VPS41: variants seen among roughly 807,000 people sequenced by gnomAD.
VPS41 encodes vacuolar protein sorting-associated protein 41 homolog.
VPS41 carries 85 observed loss-of-function variants against 130.9 expected under a neutral mutation model. The ratio of observed to expected loss-of-function variants is 0.65; its 90% CI spans 0.55 to 0.78. The LOEUF (loss-of-function observed/expected upper bound fraction) is 0.78. Ranked by LOEUF, VPS41 falls within the 30% of genes least tolerant of loss-of-function variation. The probability of loss-of-function intolerance (pLI) is 0.00; values close to 1 mark genes in which losing one functional copy is unlikely to be tolerated. For missense variants in VPS41, 874 were observed against 1,018.7 expected, an observed-to-expected ratio of 0.86 and a Z score of 1.93; for synonymous variants, 335 against 332.9, an observed-to-expected ratio of 1.01 and a Z score of -0.07.
At chr7:38,864,752 G>T (rs1786191436) in intron 3 of VPS41, among the ~76,000 whole-genome samples, 1 of 150,634 alleles carries the variant, frequency 6.6e-6, no homozygotes, top group Non-Finnish European at 1.5e-5. Context: ...TGTAATTATT[G>T]AGTTTTGTTT....
intron 7 of VPS41, among the ~76,000 whole-genome samples, chr7:38,805,032 C>T (rs550380396): frequency 6.6e-6 from 1 of 152,304 alleles, no homozygotes; most frequent in South Asian, 2.1e-4. Context: ...AAAAGTCATC[C>T]ACTGGGTGAT....
At chr7:38,881,766 G>A (rs1281139615) in intron 2 of VPS41, among the ~76,000 whole-genome samples, 2 of 152,082 alleles carry the variant, frequency 1.3e-5, no homozygotes, top group Non-Finnish European at 2.9e-5. Context: ...TCTCCAAAAT[G>A]AGGACACAAC....
intron 5 of VPS41, among the ~76,000 whole-genome samples, chr7:38,828,137 T>C (rs894301980): frequency 2.0e-5 from 3 of 152,166 alleles, no homozygotes; most frequent in Non-Finnish European, 2.9e-5. Context: ...TTTTATACTA[T>C]AGTTTACATA....
At chr7:38,750,509 T>C (rs1048127060) in intron 22 of VPS41, among the ~76,000 whole-genome samples, 16 of 152,208 alleles carry the variant, frequency 1.1e-4, no homozygotes, top group African/African-American at 3.4e-4. Flanking sequence ...TAAAACATAA[T>C]TGGTTTTACT....
intron 25 of VPS41, among the ~76,000 whole-genome samples, chr7:38,740,379 A>G (rs945642009): frequency 6.6e-6 from 1 of 152,172 alleles, no homozygotes; most frequent in East Asian, 1.9e-4. Flanking sequence ...GACCTTCAAA[A>G]TTAGTGACTT....
chr7:38,863,167 T>C (rs149723376), intron 3 of VPS41, among the ~76,000 whole-genome samples: 18 of 152,346 alleles, frequency 1.2e-4, no homozygotes, highest in Admixed American at 9.2e-4. Flanking sequence ...TAATATATAA[T>C]GTTGAGTGTT....
rs746712378 is a variant in VPS41 at position 38,821,255 on chromosome 7, A to T, written c.332T>A (p.Phe111Tyr). Residue 111 changes from phenylalanine to tyrosine, a missense_variant, in exon 6 of 29, where the codon TTT (phenylalanine) becomes TAT (tyrosine). By Grantham distance (22) the Phe-to-Tyr change is conservative. Transcript: ENST00000310301. ...AAATTCTTCTCCAGAATACAGTCCA[A>T]ATACCTGCACCTACAAAGAAAATGG... ...VCSEDGKVQV[F>Y]GLYSGEEFHE... 20 of 1,613,476 alleles carry T rather than the reference A, an allele frequency of 1.2e-5. No individual in the cohort carries two copies. Among genetic ancestry groups the T allele is most frequent in the Non-Finnish European group, 1.7e-5 (20 of 1,179,634 alleles).
At chr7:38,806,336 T>C (rs1031675446) in intron 7 of VPS41, among the ~76,000 whole-genome samples, 18 of 152,212 alleles carry the variant, frequency 1.2e-4, no homozygotes, top group African/African-American at 3.9e-4. Flanking sequence ...CACCACATCA[T>C]GATTTATGAC....
At position 38,745,571 on chromosome 7, in the gene VPS41, C is replaced by G. The variant is rs1199436301; in HGVS notation, c.1969G>C (p.Val657Leu). ...CQQRNFVEET[V>L]YLLSRMGNSR... The stretch of plus-strand genomic sequence containing the variant: ...AAAAGCTACTTACTCAGAAGATAAA[C>G]TGTCTCTTCTACAAAGTTTCTCTGT... Residue 657 changes from valine (V) to leucine (L), a missense_variant, in exon 23 of 29, where the codon GTT becomes CTT. By Grantham distance (32) the Val-to-Leu change is conservative (BLOSUM62 1). Transcript: ENST00000310301. 1.2e-6 allele frequency: 2 copies of G among 1,608,660 alleles called. No homozygotes were observed. The highest frequency in any genetic ancestry group is 3.4e-5 in the Admixed American group (2 of 58,848).
At chr7:38,813,573 CTT>C (rs1175201071) in intron 7 of VPS41, among the ~76,000 whole-genome samples, 5 of 152,140 alleles carry the variant, frequency 3.3e-5, no homozygotes, top group African/African-American at 7.2e-5. Flanking sequence ...AAAATAATGA[CTT>C]AATACCAATT....
At chr7:38,871,280 A>G (rs1786352798) in intron 2 of VPS41, among the ~76,000 whole-genome samples, 1 of 152,234 alleles carries the variant, frequency 6.6e-6, no homozygotes, top group African/African-American at 2.4e-5. Flanking sequence ...ATGGAAGATT[A>G]TAAGACTGAT....
rs777294989 is a variant in VPS41, at chr7:38,745,433, T to C, written c.1981+126A>G. Reference sequence around the variant, plus strand: ...AAGTCTGTTTCATATATTAAATTATTGTAAAAATAGGCTCATATTCTGTGT... The same window carrying C: ...AAGTCTGTTTCATATATTAAATTATCGTAAAAATAGGCTCATATTCTGTGT... On this transcript the variant is annotated intron_variant, in intron 23 of 28. Coordinates refer to ENST00000310301, the MANE Select transcript of VPS41 (RefSeq NM_014396.4). 3 of 742,544 alleles carry C rather than the reference T, an allele frequency of 4.0e-6. No homozygotes were observed. In the East Asian group the frequency reaches 7.6e-5, roughly 19 times the overall value. 46.0% of individuals were successfully genotyped at this position (742,544 alleles called of 1,614,324 possible).
intron 25 of VPS41, among the ~76,000 whole-genome samples, chr7:38,737,690 G>A (rs1313459284): frequency 6.6e-6 from 1 of 152,178 alleles, no homozygotes; most frequent in Non-Finnish European, 1.5e-5. Flanking sequence ...AAATATGGGG[G>A]TCGATCACCA....
chr7:38,824,667 C>G (rs1286428049), intron 5 of VPS41, among the ~76,000 whole-genome samples: 2 of 152,090 alleles, frequency 1.3e-5, no homozygotes, highest in African/African-American at 4.8e-5. Context: ...AAAAAACATT[C>G]AAAAGCCTTA....
intron 2 of VPS41, among the ~76,000 whole-genome samples, chr7:38,893,346 G>A (rs1248120350): frequency 6.6e-6 from 1 of 152,228 alleles, no homozygotes; most frequent in African/African-American, 2.4e-5. Context: ...ATTCTAGGCA[G>A]ACTCACTCTT....
chr7:38,897,194 C>CAAAAA (rs60717646), intron 2 of VPS41, among the ~76,000 whole-genome samples: 21 of 115,988 alleles, frequency 1.8e-4, no homozygotes, highest in Non-Finnish European at 2.1e-4. Flanking sequence ...AACTCTGTCT[C>CAAAAA]AAAAAAAAAA....
chr7:38,898,103 T>C lies in VPS41; in HGVS notation c.48A>G (p.Thr16=). 6.2e-7 allele frequency: 1 copy of C among 1,613,824 alleles called. No homozygotes were observed. Among genetic ancestry groups the C allele is most frequent in the Non-Finnish European group, 8.5e-7 (1 of 1,179,764 alleles). ...GTCACCACCTTACCTCAGACTCATC[T>C]GTAGATTCTTCAAGGGACCCAGTTT... ...EQETGSLEES[T]DESEEEESEE... is the part of the protein sequence containing the mutation. Residue 16 remains threonine (T), a synonymous_variant, in exon 2 of 29, where the codon ACA becomes ACG. Coordinates refer to ENST00000310301, the MANE Select transcript of VPS41 (RefSeq NM_014396.4).
intron 9 of VPS41, among the ~76,000 whole-genome samples, chr7:38,791,377 G>A (rs1784532541): frequency 6.6e-6 from 1 of 152,226 alleles, no homozygotes; most frequent in Non-Finnish European, 1.5e-5. Flanking sequence ...AAAAGCAAAT[G>A]TATCGGCAAT....
chr7:38,816,434 G>T (rs1003384914), intron 7 of VPS41, among the ~76,000 whole-genome samples: 1 of 152,118 alleles, frequency 6.6e-6, no homozygotes, highest in Non-Finnish European at 1.5e-5. Flanking sequence ...TGACAGATAA[G>T]TATCATAAAA....
Sources: allele counts gnomAD v4.1 joint callset (sites outside exome capture counted in the v4.1 genomes callset), GRCh38; gene constraint gnomAD v4.1.1; transcripts MANE v1.5; gene names NCBI Gene and HGNC (gene_info 2026-07-23, HGNC 2026-07-21).